Variants in DSCAM observed in about 807,000 individuals in gnomAD.
The protein encoded by DSCAM is DS cell adhesion molecule.
A neutral mutation model predicts 217.7 loss-of-function variants in DSCAM; 47 were observed. The observed-to-expected ratio is 0.22, with a 90% CI of 0.17 to 0.28. The LOEUF (loss-of-function observed/expected upper bound fraction) is 0.28, where lower values mean the gene tolerates loss of function less well. Among genes scored for constraint, DSCAM ranks in the 10% least tolerant of loss-of-function variants. The pLI is 1.00. For synonymous variants in DSCAM, 1,056 were observed against 1,015.3 expected, an observed-to-expected ratio of 1.04 and a Z score of -0.76; for missense variants, 2,080 against 2,618.3, an observed-to-expected ratio of 0.79 and a Z score of 4.49.
intron 6 of DSCAM, among the ~76,000 whole-genome samples, chr21:40,342,580 T>C (rs1367256000): frequency 1.3e-5 from 2 of 148,158 alleles, no homozygotes; most frequent in Non-Finnish European, 3.0e-5. Context: ...CAGTGTTAAT[T>C]TGTTGAAAAG....
At chr21:40,275,052 T>C (rs1440563575) in intron 11 of DSCAM, among the ~76,000 whole-genome samples, 1 of 151,972 alleles carries the variant, frequency 6.6e-6, no homozygotes, top group Non-Finnish European at 1.5e-5. Context: ...GGGCCAGGCA[T>C]AGTGGCTTAT....
chr21:40,139,854 T>C (rs897079094), intron 18 of DSCAM, among the ~76,000 whole-genome samples: 7 of 150,130 alleles, frequency 4.7e-5, no homozygotes, highest in Non-Finnish European at 8.9e-5. Flanking sequence ...GTGGTGTATG[T>C]GGGGTGTGTG....
chr21:40,075,222 A>G lies in DSCAM; in HGVS notation c.4712-9T>C, dbSNP rs1382110151. The G allele has an allele frequency of 6.2e-7, 1 of 1,614,150 alleles. No individual in the cohort carries two copies. The highest frequency in any genetic ancestry group is 8.5e-7 in the Non-Finnish European group (1 of 1,179,984). On this transcript the variant is annotated splice_polypyrimidine_tract_variant and intron_variant, in intron 26 of 32. Transcript: ENST00000400454. ...GAGTGGAGGAATTGTACCTGAAAGC[A>G]GGGCCACGGTGTTAGATGGCTATTA...
intron 3 of DSCAM, among the ~76,000 whole-genome samples, chr21:40,532,841 G>T (rs1231476993): frequency 6.6e-6 from 1 of 151,842 alleles, no homozygotes; most frequent in Non-Finnish European, 1.5e-5. Flanking sequence ...TTTGGCGGGG[G>T]TGGTGCTTCA....
At chr21:40,712,538 G>A (rs530746822) in intron 1 of DSCAM, among the ~76,000 whole-genome samples, 1 of 142,398 alleles carries the variant, frequency 7.0e-6, no homozygotes, top group Non-Finnish European at 1.5e-5. Flanking sequence ...TTGATTTTTA[G>A]TTAAACTTCA....
chr21:40,419,138 CTTTT>C (rs58690151), intron 3 of DSCAM, among the ~76,000 whole-genome samples: 1 of 138,410 alleles, frequency 7.2e-6, no homozygotes. Context: ...ACCCGGCTAG[CTTTT>C]TTTTTTTTTT....
At chr21:40,730,048 T>C (rs1370575540) in intron 1 of DSCAM, among the ~76,000 whole-genome samples, 1 of 152,188 alleles carries the variant, frequency 6.6e-6, no homozygotes. Flanking sequence ...CCATTAATAA[T>C]CCCAGAACCT....
At chr21:40,166,594 G>A (rs144031796) in intron 16 of DSCAM, among the ~76,000 whole-genome samples, 7 of 152,320 alleles carry the variant, frequency 4.6e-5, no homozygotes, top group African/African-American at 1.7e-4. Flanking sequence ...TGAATGAAAC[G>A]ATGTGCTTAG....
chr21:40,807,102 G>T (rs1288718330), intron 1 of DSCAM, among the ~76,000 whole-genome samples: 1 of 111,476 alleles, frequency 9.0e-6, no homozygotes, highest in African/African-American at 3.7e-5. Context: ...AGAACTTAAA[G>T]TATAATGAAT....
At chr21:40,688,913 C>T (rs2090511363) in intron 3 of DSCAM, among the ~76,000 whole-genome samples, 1 of 152,124 alleles carries the variant, frequency 6.6e-6, no homozygotes, top group African/African-American at 2.4e-5. Flanking sequence ...ATAATGGTAG[C>T]CTCATGGCCT....
At chr21:40,798,200 C>T (rs2123488179) in intron 1 of DSCAM, among the ~76,000 whole-genome samples, 1 of 152,096 alleles carries the variant, frequency 6.6e-6, no homozygotes, top group African/African-American at 2.4e-5. Context: ...AAAAACACCA[C>T]TGCTCCACCA....
intron 3 of DSCAM, among the ~76,000 whole-genome samples, chr21:40,518,607 T>TACAC (rs200677204): frequency 1.8e-5 from 2 of 109,554 alleles, no homozygotes; most frequent in South Asian, 2.7e-4. Context: ...CATATATACA[T>TACAC]ACACACACAT....
intron 3 of DSCAM, among the ~76,000 whole-genome samples, chr21:40,661,710 T>G (rs892443795): frequency 1.3e-5 from 2 of 152,166 alleles, no homozygotes; most frequent in Admixed American, 1.3e-4. Context: ...TTCCAAATTC[T>G]AGAAAGACTT....
At chr21:40,646,050 C>T (rs1281922004) in intron 3 of DSCAM, among the ~76,000 whole-genome samples, 1 of 151,812 alleles carries the variant, frequency 6.6e-6, no homozygotes, top group African/African-American at 2.4e-5. Flanking sequence ...GAAGTTTGAG[C>T]CGATGAAGGG....
At chr21:40,343,942 C>G (rs1378978550) in intron 6 of DSCAM, among the ~76,000 whole-genome samples, 1 of 139,818 alleles carries the variant, frequency 7.2e-6, no homozygotes, top group Non-Finnish European at 1.6e-5. Context: ...CTCACTCTGT[C>G]ACCCAGGCTG....
rs73355311 is a variant in DSCAM, at chr21:40,334,271, G to A, written c.1783+3830C>T. ...TCCTACTGACAGCATCCACTTCTTTGTTTAGTGTGTATTTCAACCTCAACA... is the reference window on the plus strand; with the variant it reads ...TCCTACTGACAGCATCCACTTCTTTATTTAGTGTGTATTTCAACCTCAACA... On this transcript the variant is annotated intron_variant, in intron 8 of 32. Coordinates refer to ENST00000400454, the MANE Select transcript of DSCAM (RefSeq NM_001389.5). Among the ~76,000 whole-genome samples, 582 of 152,168 alleles carry A rather than the reference G, an allele frequency of 3.8e-3. 2 individuals carry two copies. Among genetic ancestry groups the A allele is most frequent in the African/African-American group, 0.013 (548 of 41,514 alleles).
intron 3 of DSCAM, among the ~76,000 whole-genome samples, chr21:40,483,792 T>C (rs1262955777): frequency 6.6e-6 from 1 of 152,214 alleles, no homozygotes; most frequent in East Asian, 1.9e-4. Context: ...CAGACGTGCG[T>C]GGGCTCCCTG....
intron 3 of DSCAM, among the ~76,000 whole-genome samples, chr21:40,495,857 A>C (rs1037490891): frequency 1.3e-5 from 2 of 152,188 alleles, no homozygotes; most frequent in Non-Finnish European, 1.5e-5. Flanking sequence ...TCAACACATA[A>C]AAAGTAGTAG....
chr21:40,420,362 A>C (rs915963605), intron 3 of DSCAM, among the ~76,000 whole-genome samples: 1 of 152,202 alleles, frequency 6.6e-6, no homozygotes, highest in African/African-American at 2.4e-5. Flanking sequence ...TATCCGTATC[A>C]AAAGCCTCTA....
Sources: allele counts gnomAD v4.1 joint callset (sites outside exome capture counted in the v4.1 genomes callset), GRCh38; gene constraint gnomAD v4.1.1; transcripts MANE v1.5; gene names NCBI Gene and HGNC (gene_info 2026-07-23, HGNC 2026-07-21).